PCGF3: variants seen among roughly 807,000 people sequenced by gnomAD.
The protein encoded by PCGF3 is polycomb group RING finger protein 3.
In PCGF3, 7 loss-of-function variants were observed where a neutral mutation model predicts 33.1. The observed-to-expected ratio is 0.21, with a 90% CI of 0.12 to 0.40. PCGF3 has a LOEUF of 0.40. PCGF3 is among the 10% of genes least tolerant of loss of function. The pLI is 1.00. For synonymous variants in PCGF3, 153 were observed against 121.3 expected (o/e 1.26, Z -1.72); for missense variants, 211 against 313.3 (o/e 0.67, Z 2.46).
At chr4:765,816 T>C (rs964699108) in intron 10 of PCGF3, among the ~76,000 whole-genome samples, 2 of 152,082 alleles carry the variant, frequency 1.3e-5, no homozygotes, top group African/African-American at 4.8e-5. Flanking sequence ...CTGGGTCACC[T>C]GGGGCCAGGG....
chr4:727,288 C>T (rs994057023), intron 1 of PCGF3, among the ~76,000 whole-genome samples: 1 of 129,260 alleles, frequency 7.7e-6, no homozygotes, highest in African/African-American at 2.9e-5. Flanking sequence ...ATTCCCCAGG[C>T]TGGAGTGCAA....
At chr4:719,455 G>A (rs1478082260) in intron 1 of PCGF3, among the ~76,000 whole-genome samples, 2 of 152,380 alleles carry the variant, frequency 1.3e-5, no homozygotes, top group East Asian at 3.9e-4. Flanking sequence ...GGAACATGGT[G>A]GTGCCGGAGA....
chr4:762,164 A>G (rs1224615712), intron 9 of PCGF3: 2 of 831,888 alleles, frequency 2.4e-6, no homozygotes, highest in African/African-American at 3.7e-5. Context: ...TGCAAATGGG[A>G]TCTTGTTTGG....
chr4:768,821 TTC>T (rs1181829430), exon 11 of PCGF3: 1 of 152,688 alleles, frequency 6.5e-6, no homozygotes, highest in East Asian at 1.9e-4. Flanking sequence ...TTTTGCAAGC[TTC>T]TTTTTACTTT....
At chr4:724,096 G>T (rs1259946751) in intron 1 of PCGF3, 1 of 152,394 alleles carries the variant, frequency 6.6e-6, no homozygotes, top group Admixed American at 6.5e-5. Context: ...GAACTTCAGG[G>T]CCCAATGGCA....
chr4:725,390 G>A (rs922114148), intron 1 of PCGF3, among the ~76,000 whole-genome samples: 1 of 152,252 alleles, frequency 6.6e-6, no homozygotes, highest in Non-Finnish European at 1.5e-5. Context: ...TAGACGTGGG[G>A]TGTGTAGGCT....
chr4:714,052 C>T (rs972107520), intron 1 of PCGF3, among the ~76,000 whole-genome samples: 3 of 152,254 alleles, frequency 2.0e-5, no homozygotes, highest in Admixed American at 2.0e-4. Flanking sequence ...CCCAAGGTGT[C>T]AGTGTCAGGC....
intron 6 of PCGF3, among the ~76,000 whole-genome samples, chr4:742,272 T>A (rs1471166382): frequency 6.6e-6 from 1 of 150,388 alleles, no homozygotes. Flanking sequence ...TCACGGGGCA[T>A]CCTCCTCTCT....
intron 8 of PCGF3, among the ~76,000 whole-genome samples, chr4:754,491 G>A (rs1344156138): frequency 1.3e-5 from 2 of 152,238 alleles, no homozygotes; most frequent in Non-Finnish European, 1.5e-5. Context: ...AGAGCCCCTG[G>A]AGGTAGAAGG....
exon 11 of PCGF3, chr4:766,197 T>C: frequency 1.3e-6 from 1 of 757,318 alleles, no homozygotes. Flanking sequence ...TAGAGAATAT[T>C]TATAACTTTT....
At chr4:731,378 G>A in intron 3 of PCGF3, 1 of 389,094 alleles carries the variant, frequency 2.6e-6, no homozygotes, top group Non-Finnish European at 4.5e-6. Flanking sequence ...GCGTGTCGCT[G>A]AGGAGCAGTG....
rs3834219 is a variant in PCGF3, at chr4:764,848, G to GCC, written c.601-129_601-128dup. The GCC allele has an allele frequency of 5.0e-4, 314 of 622,060 alleles. No individual in the cohort carries two copies. The East Asian group carries it at 5.3e-3, about 10-fold the overall frequency. 38.5% of individuals were successfully genotyped at this position (622,060 alleles called of 1,614,324 possible). A position where few individuals can be genotyped will look rare whatever the true frequency, so the allele number is the denominator to read the frequency against. Reference sequence around the variant, plus strand: ...TAGGGATGGAGGAATACATGAACCAGCCCCCCCCACCCCATCTCTAGGCAC... The same window carrying GCC: ...TAGGGATGGAGGAATACATGAACCAGCCCCCCCCCCACCCCATCTCTAGGCAC... On this transcript the variant is annotated intron_variant, in intron 9 of 10. Transcript: ENST00000362003.
intron 1 of PCGF3, among the ~76,000 whole-genome samples, chr4:727,351 C>T (rs1215007893): frequency 6.7e-6 from 1 of 148,844 alleles, no homozygotes; most frequent in African/African-American, 2.5e-5. Context: ...GGCGATTCTC[C>T]TGCCTCAGCC....
intron 1 of PCGF3, among the ~76,000 whole-genome samples, chr4:725,936 T>TCC (rs1252773591): frequency 1.3e-5 from 2 of 152,124 alleles, no homozygotes; most frequent in East Asian, 3.9e-4. Flanking sequence ...AGGGCCACTC[T>TCC]CCGCCAGGCT....
intron 6 of PCGF3, among the ~76,000 whole-genome samples, chr4:738,322 TCA>T (rs1468288936): frequency 6.6e-6 from 1 of 152,256 alleles, no homozygotes; most frequent in African/African-American, 2.4e-5. Context: ...TCTTCCCTAC[TCA>T]CAGAGTTCAT....
chr4:735,233 C>T (rs1037105936), intron 5 of PCGF3, among the ~76,000 whole-genome samples: 5 of 152,198 alleles, frequency 3.3e-5, no homozygotes, highest in Non-Finnish European at 7.3e-5. Context: ...CCAGGCTGTG[C>T]CTGCACATAC....
chr4:758,381 C>A (rs1744873966), intron 8 of PCGF3, among the ~76,000 whole-genome samples: 1 of 146,376 alleles, frequency 6.8e-6, no homozygotes, highest in African/African-American at 2.6e-5. Context: ...GGCCCCTCTC[C>A]GGAGTTCTTC....
intron 1 of PCGF3, among the ~76,000 whole-genome samples, chr4:711,215 C>T (rs1293916820): frequency 3.3e-5 from 5 of 152,210 alleles, no homozygotes; most frequent in African/African-American, 1.2e-4. Context: ...CCCACCATGC[C>T]GCACTCTCTA....
At chr4:753,671 G>A (rs1354814966) in intron 8 of PCGF3, among the ~76,000 whole-genome samples, 2 of 151,404 alleles carry the variant, frequency 1.3e-5, no homozygotes, top group African/African-American at 2.4e-5. Flanking sequence ...GACTGGACCA[G>A]GCACGGTGGC....
Sources: allele counts gnomAD v4.1 joint callset (sites outside exome capture counted in the v4.1 genomes callset), GRCh38; gene constraint gnomAD v4.1.1; transcripts MANE v1.5; gene names NCBI Gene and HGNC (gene_info 2026-07-23, HGNC 2026-07-21).